Variants in ECT2 observed in about 807,000 individuals in gnomAD.
The protein encoded by ECT2 is protein ECT2.
ECT2 carries 61 observed loss-of-function variants against 116.9 expected under a neutral mutation model. The ratio of observed to expected loss-of-function variants is 0.52; its 90% CI spans 0.42 to 0.65. ECT2 has a LOEUF of 0.65. ECT2 is among the 30% of genes least tolerant of loss of function. The probability of loss-of-function intolerance (pLI) is 0.00; values close to 1 mark genes in which losing one functional copy is unlikely to be tolerated. For missense variants in ECT2, 937 were observed against 1,078.7 expected (o/e 0.87, Z 1.84); for synonymous variants, 358 against 346.4 (o/e 1.03, Z -0.37).
chr3:172,777,734 A>T (rs565229804), intron 14 of ECT2, among the ~76,000 whole-genome samples: 13 of 152,274 alleles, frequency 8.5e-5, no homozygotes, highest in African/African-American at 3.1e-4. Context: ...CCCCATCGCT[A>T]CAAAAAATGC....
chr3:172,790,018 T>C (rs1198496022), intron 18 of ECT2, among the ~76,000 whole-genome samples: 4 of 152,130 alleles, frequency 2.6e-5, no homozygotes, highest in African/African-American at 9.7e-5. Context: ...TTCTTCATTT[T>C]TATTTGTGCC....
At chr3:172,783,651 TAA>T in intron 15 of ECT2, 146 bp from the exon 16 acceptor site, 1 of 570,166 alleles carries the variant, frequency 1.8e-6, no homozygotes, top group South Asian at 1.9e-5. Flanking sequence ...ATTTATAAAA[TAA>T]GTTTGTTCTC....
chr3:172,760,124 T>C, intron 6 of ECT2, 32 bp from the exon 7 acceptor site: 1 of 1,471,612 alleles, frequency 6.8e-7, no homozygotes, highest in Non-Finnish European at 9.3e-7. Flanking sequence ...AAATTAACCA[T>C]AAAGTCAGTG....
intron 14 of ECT2, among the ~76,000 whole-genome samples, chr3:172,776,091 G>A (rs1721615147): frequency 6.6e-6 from 1 of 151,852 alleles, no homozygotes; most frequent in Admixed American, 6.6e-5. Flanking sequence ...CTTTGATTCA[G>A]TGAAGCTTTG....
chr3:172,779,408 G>A (rs531519046), intron 14 of ECT2, among the ~76,000 whole-genome samples: 7 of 151,990 alleles, frequency 4.6e-5, no homozygotes. Flanking sequence ...AGTTTTTCTC[G>A]CTTTTGAACT....
chr3:172,753,681 A>G (rs1230490602), intron 1 of ECT2, among the ~76,000 whole-genome samples: 1 of 152,216 alleles, frequency 6.6e-6, no homozygotes, highest in African/African-American at 2.4e-5. Flanking sequence ...TGGAGAGTCG[A>G]GCACTAAATG....
intron 24 of ECT2, among the ~76,000 whole-genome samples, chr3:172,818,032 G>A (rs921062462): frequency 2.6e-5 from 4 of 152,100 alleles, no homozygotes; most frequent in African/African-American, 9.7e-5. Context: ...AAAGTGCTTA[G>A]AACAGTACCT....
chr3:172,785,714 T>A (rs1723492350), intron 17 of ECT2, among the ~76,000 whole-genome samples: 1 of 152,196 alleles, frequency 6.6e-6, no homozygotes, highest in Non-Finnish European at 1.5e-5. Context: ...TGACAATTTT[T>A]TTGTTTTTTA....
chr3:172,782,298 G>A, intron 15 of ECT2, 67 bp downstream of exon 15: 1 of 879,534 alleles, frequency 1.1e-6, no homozygotes. Context: ...CTGGCAAGGA[G>A]TGTAATTTGC....
intron 24 of ECT2, among the ~76,000 whole-genome samples, chr3:172,819,128 C>T (rs568132503): frequency 2.6e-5 from 4 of 152,076 alleles, no homozygotes; most frequent in African/African-American, 9.6e-5. Context: ...TTTTAATATG[C>T]CAAATCATAA....
In ECT2 at chr3:172,762,737, AGTT is replaced by A; in HGVS notation, c.938_940del (p.Val313del). ...GAGATGAAAGATGCACTCACCTTGT[AGTT>A]GAAGAGAATATAGTAAAAGATCTTC... On this transcript the variant is annotated inframe_deletion, in exon 10 of 25. Transcript: ENST00000392692. The A allele has an allele frequency of 6.2e-7, 1 of 1,613,284 alleles. No individual in the cohort carries two copies. Among genetic ancestry groups the A allele is most frequent in the Non-Finnish European group, 8.5e-7 (1 of 1,179,658 alleles).
At chr3:172,765,389 C>T (rs1273928176) in intron 12 of ECT2, among the ~76,000 whole-genome samples, 1 of 152,074 alleles carries the variant, frequency 6.6e-6, no homozygotes, top group Non-Finnish European at 1.5e-5. Flanking sequence ...GTAGTAAAAT[C>T]TATGGTTTTG....
Position 172,760,176 on chromosome 3 carries a change from C to G in ECT2, c.597C>G (p.Val199=). Residue 199 remains valine (V), a synonymous_variant, in exon 7 of 25, where the codon GTC becomes GTG. Transcript: ENST00000392692. ...TTGAGGTCAGGTTGGTGACATTGGTCCATCACATGGGTGGAGTTATTCGAA... is the reference window on the plus strand; with the variant it reads ...TTGAGGTCAGGTTGGTGACATTGGTGCATCACATGGGTGGAGTTATTCGAA... ...KEELVRLVTL[V]HHMGGVIRKD... is the part of the protein sequence containing the mutation. 1 of 1,608,498 alleles carries G rather than the reference C, an allele frequency of 6.2e-7. No individual in the cohort carries two copies. Among genetic ancestry groups the G allele is most frequent in the South Asian group, 1.1e-5 (1 of 90,104 alleles).
chr3:172,764,465 T>G lies in ECT2; in HGVS notation c.1256T>G (p.Ile419Ser). ...CTTTCCATAGGGTCACTCCTAGATA[T>G]CTCCAACACACCAGAGTCTAGCATT... The part of the protein sequence containing the change: ...HSLSIGSLLD[I>S]SNTPESSINY... Residue 419 changes from isoleucine (I) to serine (S), a missense_variant, in exon 12 of 25, where the codon ATC becomes AGC. Ile to Ser is a moderately radical substitution (Grantham distance 142). Coordinates refer to ENST00000392692, the MANE Select transcript of ECT2 (RefSeq NM_001258315.2). 6.2e-7 allele frequency: 1 copy of G among 1,614,096 alleles called. No individual in the cohort carries two copies. Among genetic ancestry groups the G allele is most frequent in the Non-Finnish European group, 8.5e-7 (1 of 1,179,996 alleles).
At chr3:172,815,739 C>A in intron 23 of ECT2, 28 bp downstream of exon 23, 2 of 1,332,178 alleles carry the variant, frequency 1.5e-6, no homozygotes, top group East Asian at 2.3e-5. Flanking sequence ...TATTATTTAG[C>A]ACATCTCTAA....
chr3:172,818,956 G>T, intron 24 of ECT2: 4 of 586,132 alleles, frequency 6.8e-6, no homozygotes, highest in Non-Finnish European at 9.0e-6. Context: ...AACAATTTAG[G>T]TTTAATAGAG....
intron 13 of ECT2, among the ~76,000 whole-genome samples, chr3:172,771,013 T>G (rs1720525051): frequency 6.6e-6 from 1 of 152,212 alleles, no homozygotes; most frequent in Admixed American, 6.5e-5. Context: ...CAGAAAAAGC[T>G]TCATACAGAA....
In ECT2 at chr3:172,783,799, T is replaced by G. The variant is rs953948888; in HGVS notation, c.1618T>G (p.Ser540Ala). The stretch of plus-strand genomic sequence containing the variant: ...ATGTTTTTTTCCCTTTTCTTCCTAG[T>G]CAAAAGATTTGGTAAAAACCTACCC... Reference protein sequence around the residue: ...KSIGDIFLKYSKDLVKTYPPF... With the variant: ...KSIGDIFLKYAKDLVKTYPPF... Residue 540 changes from serine to alanine, a missense_variant and splice_region_variant, in exon 16 of 25, where the codon TCA (serine) becomes GCA (alanine). By Grantham distance (99) the Ser-to-Ala change is moderately conservative (BLOSUM62 1). Transcript: ENST00000392692. The G allele has an allele frequency of 1.3e-6, 2 of 1,572,690 alleles. No individual in the cohort carries two copies. Among genetic ancestry groups the G allele is most frequent in the South Asian group, 2.3e-5 (2 of 87,984 alleles).
chr3:172,779,256 C>G (rs1722283021), intron 14 of ECT2, among the ~76,000 whole-genome samples: 1 of 152,142 alleles, frequency 6.6e-6, no homozygotes, highest in South Asian at 2.1e-4. Flanking sequence ...TATATTGCCC[C>G]AAGATTAGAC....
Sources: gnomAD v4.1 joint callset for allele counts (sites outside exome capture counted in the v4.1 genomes callset) on GRCh38, gnomAD v4.1.1 for gene constraint, MANE v1.5 for transcripts, NCBI Gene and HGNC (gene_info 2026-07-23, HGNC 2026-07-21) for gene names.